TERF2: variants seen among roughly 807,000 people sequenced by gnomAD.
TERF2 encodes telomeric repeat binding factor 2.
TERF2 carries 16 observed loss-of-function variants against 56.1 expected under a neutral mutation model. The ratio of observed to expected loss-of-function variants is 0.29; its 90% CI spans 0.19 to 0.43. The LOEUF is 0.43. TERF2 is among the 20% of genes least tolerant of loss of function. The pLI, the probability that TERF2 is intolerant of heterozygous loss-of-function variation, is 1.00. For synonymous variants in TERF2, 296 were observed against 282.1 expected (o/e 1.05, Z -0.50); for missense variants, 547 against 712.9 (o/e 0.77, Z 2.65).
At chr16:69,384,508 AGAGT>A in intron 3 of TERF2, 68 bp downstream of exon 3, 2 of 1,516,916 alleles carry the variant, frequency 1.3e-6, no homozygotes, top group Admixed American at 3.9e-5. Context: ...CACACAGTAA[AGAGT>A]AAGTGCTGTA....
intron 6 of TERF2, among the ~76,000 whole-genome samples, 200 bp downstream of exon 6, chr16:69,368,176 G>C (rs1212351417): frequency 6.6e-6 from 1 of 152,208 alleles, no homozygotes; most frequent in Non-Finnish European, 1.5e-5. Flanking sequence ...TGGCCAGTCA[G>C]GAAGTTGTCA....
At chr16:69,366,710 T>C (rs1160235563) in intron 7 of TERF2, 97 bp downstream of exon 7, 3 of 1,446,496 alleles carry the variant, frequency 2.1e-6, no homozygotes, top group Non-Finnish European at 2.8e-6. Context: ...TGGTGGTGAG[T>C]AACTTAGCTG....
chr16:69,384,755 TA>T, intron 2 of TERF2, 45 bp from the exon 3 acceptor site: 1 of 1,522,584 alleles, frequency 6.6e-7, no homozygotes, highest in Non-Finnish European at 8.8e-7. Context: ...TTTCTAAGGG[TA>T]AAAAAGTTAT....
intron 2 of TERF2, among the ~76,000 whole-genome samples, chr16:69,384,949 A>C (rs2014134975): frequency 6.6e-6 from 1 of 152,188 alleles, no homozygotes; most frequent in Admixed American, 6.5e-5. Context: ...ATTATTTTTA[A>C]ATACCTGCAT....
chr16:69,385,902 G>A lies in TERF2; in HGVS notation c.70C>T (p.Gln24Ter). 7.2e-7 allele frequency: 1 copy of A among 1,382,508 alleles called. No homozygotes were observed. The highest frequency in any genetic ancestry group is 9.4e-7 in the Non-Finnish European group (1 of 1,066,830). 85.6% of individuals were successfully genotyped at this position (1,382,508 alleles called of 1,614,324 possible). A position where few individuals can be genotyped will look rare whatever the true frequency, so the allele number is the denominator to read the frequency against. The change falls in exon 1 of 10, where the codon CAG (glutamine) becomes TAG (stop). Residue 24 changes from glutamine (Q) to a stop codon, truncating the protein, a stop_gained. Transcript: ENST00000254942. LOFTEE classifies it high-confidence loss of function. ...PGVVRDPAAS[Q>*]PRKRPGREGG... Reference sequence around the variant, plus strand: ...TCCCGGCCGGGCCGCTTCCTCGGCTGTGACGCCGCTGGGTCACGCACGACG... The same window carrying A: ...TCCCGGCCGGGCCGCTTCCTCGGCTATGACGCCGCTGGGTCACGCACGACG...
chr16:69,384,732 A>AT (rs2014126512), intron 2 of TERF2, 22 bp from the exon 3 acceptor site: 2 of 1,566,908 alleles, frequency 1.3e-6, no homozygotes, highest in Non-Finnish European at 1.7e-6. Flanking sequence ...CACAGTTTTC[A>AT]TTTTTAAGCT....
chr16:69,356,226 G>A lies in TERF2; in HGVS notation c.*672C>T, dbSNP rs755554663. Reference sequence around the variant, plus strand: ...ATACTCACATTGCTGGTTTTAACAGGTCATGGAGTCACAAGTGGCTCCTAA... The same window carrying A: ...ATACTCACATTGCTGGTTTTAACAGATCATGGAGTCACAAGTGGCTCCTAA... On this transcript the variant is annotated 3_prime_UTR_variant, in exon 10 of 10. Transcript: ENST00000254942. The A allele has an allele frequency of 3.8e-4, 174 of 455,410 alleles. No individual in the cohort carries two copies. Among genetic ancestry groups the A allele is most frequent in the Non-Finnish European group, 6.2e-4 (140 of 226,630 alleles). The allele number at this position is 455,410 out of a possible 1,614,324, so 28.2% of individuals were successfully genotyped here.
Position 69,373,589 on chromosome 16 carries a change from T to C in TERF2, c.607-1234A>G, listed in dbSNP as rs1019293540. ...ACTGTACAACTGTATTCCCACACTT[T>C]GAGAGGCCAAGGTGGGAGGATCGCT... On this transcript the variant is annotated intron_variant, in intron 3 of 9. Transcript: ENST00000254942. Among the ~76,000 whole-genome samples the C allele has an allele frequency of 7.9e-5, 12 of 152,230 alleles. No individual in the cohort carries two copies. The East Asian group carries it at 2.3e-3, about 29-fold the overall frequency.
At chr16:69,382,129 A>T (rs1392952577) in intron 3 of TERF2, among the ~76,000 whole-genome samples, 1 of 152,238 alleles carries the variant, frequency 6.6e-6, no homozygotes, top group Non-Finnish European at 1.5e-5. Flanking sequence ...TTATGAAAAC[A>T]GTTTTGACCT....
intron 8 of TERF2, among the ~76,000 whole-genome samples, chr16:69,359,494 C>A (rs1597239313): frequency 6.7e-6 from 1 of 149,670 alleles, no homozygotes; most frequent in Admixed American, 6.6e-5. Flanking sequence ...CGCCACTGCA[C>A]CCCAGCCTGG....
chr16:69,382,093 A>C (rs903352106), intron 3 of TERF2, among the ~76,000 whole-genome samples: 2 of 152,240 alleles, frequency 1.3e-5, no homozygotes, highest in Non-Finnish European at 2.9e-5. Flanking sequence ...ATGCATTGAA[A>C]AAGTCAAATA....
chr16:69,382,354 G>A (rs1170308352), intron 3 of TERF2, among the ~76,000 whole-genome samples: 3 of 152,210 alleles, frequency 2.0e-5, no homozygotes, highest in East Asian at 1.9e-4. Context: ...AACAGATTCC[G>A]TGACTGTAAA....
intron 5 of TERF2, 149 bp downstream of exon 5, chr16:69,370,334 T>C: frequency 8.6e-7 from 1 of 1,157,560 alleles, no homozygotes; most frequent in Non-Finnish European, 1.2e-6. Context: ...CCTGGCCTGC[T>C]TTTGCATTTT....
chr16:69,370,641 A>G lies in TERF2; in HGVS notation c.694-12T>C, dbSNP rs774834492. On this transcript the variant is annotated splice_polypyrimidine_tract_variant and intron_variant, in intron 4 of 9. Coordinates refer to ENST00000254942, the MANE Select transcript of TERF2 (RefSeq NM_005652.5). ...TCATTTCTCAGCTTCTACACAATGGACCGATATTTGCAACATGAGAAAGTA... is the reference window on the plus strand; with the variant it reads ...TCATTTCTCAGCTTCTACACAATGGGCCGATATTTGCAACATGAGAAAGTA... 2 of 1,593,640 alleles carry G rather than the reference A, an allele frequency of 1.3e-6. No individual in the cohort carries two copies. Among genetic ancestry groups the G allele is most frequent in the South Asian group, 1.1e-5 (1 of 88,594 alleles).
rs773532380 is a variant in TERF2 at position 69,372,367 on chromosome 16, G to A, written c.607-12C>T. On this transcript the variant is annotated splice_polypyrimidine_tract_variant and intron_variant, in intron 3 of 9. Transcript: ENST00000254942. ...CAAATAATGACAGCCTAAAAAGGAG[G>A]GGAAAAATCTTTTTTTACTTTTGTA... 1.3e-6 allele frequency: 2 copies of A among 1,566,992 alleles called. No individual in the cohort carries two copies. Among genetic ancestry groups the A allele is most frequent in the Admixed American group, 1.8e-5 (1 of 54,498 alleles).
At chr16:69,361,370 A>T (rs752140659) in intron 8 of TERF2, 34 bp downstream of exon 8, 14 of 1,469,614 alleles carry the variant, frequency 9.5e-6, no homozygotes, top group Non-Finnish European at 1.2e-5. Flanking sequence ...TTCAGCAAGC[A>T]TCAAGAAGAG....
Position 69,370,463 on chromosome 16 carries a change from G to A in TERF2, c.840+20C>T. The stretch of plus-strand genomic sequence containing the variant: ...TCCTCAAGGGCACACCATGGTTATG[G>A]GAGAAGGGCCAAGGCGCACCGTGAG... On this transcript the variant is annotated intron_variant, in intron 5 of 9. Coordinates refer to ENST00000254942, the MANE Select transcript of TERF2 (RefSeq NM_005652.5). The A allele has an allele frequency of 3.7e-6, 6 of 1,612,336 alleles. No homozygotes were observed. The highest frequency in any genetic ancestry group is 1.1e-5 in the South Asian group (1 of 90,798).
rs2012915499 is a variant in TERF2, at chr16:69,356,709, A to G, written c.*189T>C. The stretch of plus-strand genomic sequence containing the variant: ...CAGCTACTCGGGAGGCTGAGGCAGG[A>G]GAATGGCGTGAGCCCGGGAGACGGA... On this transcript the variant is annotated 3_prime_UTR_variant, in exon 10 of 10. Coordinates refer to ENST00000254942, the MANE Select transcript of TERF2 (RefSeq NM_005652.5). The G allele has an allele frequency of 1.8e-6, 1 of 549,480 alleles. No homozygotes were observed. Among genetic ancestry groups the G allele is most frequent in the Admixed American group, 3.8e-5 (1 of 26,062 alleles). 34.0% of individuals were successfully genotyped at this position (549,480 alleles called of 1,614,324 possible).
At chr16:69,378,557 G>A (rs1160134083) in intron 3 of TERF2, among the ~76,000 whole-genome samples, 1 of 152,194 alleles carries the variant, frequency 6.6e-6, no homozygotes, top group Non-Finnish European at 1.5e-5. Flanking sequence ...TTCTCTTGGT[G>A]CTCTTTCTGT....
Sources: allele counts gnomAD v4.1 joint callset (sites outside exome capture counted in the v4.1 genomes callset), GRCh38; gene constraint gnomAD v4.1.1; transcripts MANE v1.5; gene names NCBI Gene and HGNC (gene_info 2026-07-23, HGNC 2026-07-21).